The following AHCYL1 variants were observed in gnomAD, a reference collection of about 807,000 sequenced individuals.
The protein encoded by AHCYL1 is S-adenosylhomocysteine hydrolase-like protein 1.
AHCYL1 carries 20 observed loss-of-function variants against 79.3 expected under a neutral mutation model. The observed-to-expected ratio is 0.25, with a 90% CI of 0.18 to 0.37. AHCYL1 has a LOEUF of 0.37. Among genes scored for constraint, AHCYL1 ranks in the 10% least tolerant of loss-of-function variants. The probability of loss-of-function intolerance (pLI) is 1.00; values close to 1 mark genes in which losing one functional copy is unlikely to be tolerated. For synonymous variants in AHCYL1, 223 were observed against 242.2 expected (o/e 0.92, Z 0.74); for missense variants, 330 against 673.6 (o/e 0.49, Z 5.65).
At chr1:109,985,248 G>A in intron 1 of AHCYL1, 76 bp downstream of exon 1, 1 of 1,526,846 alleles carries the variant, frequency 6.5e-7, no homozygotes, top group Non-Finnish European at 8.8e-7. Flanking sequence ...CCGGGCTCTG[G>A]CTAGTTTGGG....
rs746463767 is a variant in AHCYL1, at chr1:110,013,017, C to T, written c.580+18C>T. The T allele has an allele frequency of 2.5e-6, 4 of 1,591,034 alleles. No homozygotes were observed. Among genetic ancestry groups the T allele is most frequent in the Admixed American group, 3.6e-5 (2 of 56,002 alleles). On this transcript the variant is annotated intron_variant, in intron 5 of 16. Coordinates refer to ENST00000369799, the MANE Select transcript of AHCYL1 (RefSeq NM_006621.7). ...TGAGGCTGGTAAGTTCGGTTTTTTC[C>T]CACCAACTTTGCCCCAAAATAGTTA...
At chr1:109,995,734 A>C (rs1649997035) in intron 1 of AHCYL1, 1 of 972,426 alleles carries the variant, frequency 1.0e-6, no homozygotes. Flanking sequence ...TTTTCGCAAT[A>C]ACTCATTACC....
At chr1:110,014,953 C>T in intron 6 of AHCYL1, 96 bp downstream of exon 6, 1 of 1,145,632 alleles carries the variant, frequency 8.7e-7, no homozygotes, top group Middle Eastern at 2.1e-4. Context: ...GATGTTTGGT[C>T]TTATGCACTG....
At chr1:110,014,910 T>TC (rs1651306556) in intron 6 of AHCYL1, 53 bp downstream of exon 6, 3 of 1,520,856 alleles carry the variant, frequency 2.0e-6, no homozygotes, top group African/African-American at 2.7e-5. Flanking sequence ...TTCCTTTTTT[T>TC]CCCTCAAAGC....
intron 1 of AHCYL1, among the ~76,000 whole-genome samples, chr1:109,999,409 T>C (rs1296080320): frequency 6.6e-6 from 1 of 152,230 alleles, no homozygotes; most frequent in African/African-American, 2.4e-5. Context: ...AACTCCAAAC[T>C]GTACCCTTTA....
intron 16 of AHCYL1, among the ~76,000 whole-genome samples, chr1:110,021,209 C>G (rs755629728): frequency 6.6e-6 from 1 of 152,126 alleles, no homozygotes; most frequent in Non-Finnish European, 1.5e-5. Context: ...CCACTGCACT[C>G]CAGCCTGGGT....
At chr1:109,988,698 C>T (rs1434487880) in intron 1 of AHCYL1, among the ~76,000 whole-genome samples, 1 of 152,244 alleles carries the variant, frequency 6.6e-6, no homozygotes, top group Non-Finnish European at 1.5e-5. Flanking sequence ...ATCCATTAAA[C>T]ATTTTGACCT....
chr1:109,992,252 CA>C (rs917077209), intron 1 of AHCYL1, among the ~76,000 whole-genome samples: 6 of 151,236 alleles, frequency 4.0e-5, no homozygotes, highest in Admixed American at 6.6e-5. Flanking sequence ...ACTAAAAACA[CA>C]AAAAAAATTA....
chr1:110,009,713 C>T (rs1650900804), intron 2 of AHCYL1, among the ~76,000 whole-genome samples: 1 of 152,184 alleles, frequency 6.6e-6, no homozygotes, highest in African/African-American at 2.4e-5. Context: ...TAGTTCTCTC[C>T]TCCTGTCTTA....
rs1310843507 is a variant in AHCYL1 at position 109,985,137 on chromosome 1, T to G, written c.85T>G (p.Ser29Ala). 1 of 1,610,680 alleles carries G rather than the reference T, an allele frequency of 6.2e-7. No homozygotes were observed. The highest frequency in any genetic ancestry group is 1.3e-5 in the African/African-American group (1 of 74,668). ...AKEIEDAEKYSFMATVTKAPK... is the reference protein window; with the variant it reads ...AKEIEDAEKYAFMATVTKAPK... ...GGAGATCGAGGACGCCGAGAAGTAC[T>G]CCTTCATGGCCACCGTCACCAAGGC... is the stretch of plus-strand genomic sequence containing the variant. Residue 29 changes from serine to alanine, a missense_variant, in exon 1 of 17, where the codon TCC becomes GCC. Transcript: ENST00000369799.
chr1:109,990,212 C>T (rs1179520682), intron 1 of AHCYL1, among the ~76,000 whole-genome samples: 2 of 152,164 alleles, frequency 1.3e-5, no homozygotes, highest in African/African-American at 4.8e-5. Context: ...TAGTCTCTAC[C>T]ATCTAATAGT....
At chr1:110,012,551 C>A (rs1039951123) in intron 4 of AHCYL1, 89 bp downstream of exon 4, 4 of 1,077,412 alleles carry the variant, frequency 3.7e-6, no homozygotes, top group Non-Finnish European at 5.1e-6. Context: ...CCTAACTCGC[C>A]AACCTCCAAA....
chr1:109,985,591 T>C, intron 1 of AHCYL1: 1 of 981,446 alleles, frequency 1.0e-6, no homozygotes, highest in Non-Finnish European at 1.2e-6. Flanking sequence ...TTGGGAGCAG[T>C]GGCCGCTTTA....
At chr1:109,993,947 T>TG (rs1343523478) in intron 1 of AHCYL1, among the ~76,000 whole-genome samples, 3 of 152,170 alleles carry the variant, frequency 2.0e-5, no homozygotes. Flanking sequence ...GGAAAGTACA[T>TG]TGGAACTCTG....
intron 3 of AHCYL1, among the ~76,000 whole-genome samples, chr1:110,011,941 A>G (rs1234282414): frequency 6.6e-6 from 1 of 152,252 alleles, no homozygotes; most frequent in African/African-American, 2.4e-5. Flanking sequence ...AAACAGACTG[A>G]CAGGACATGG....
intron 2 of AHCYL1, 62 bp from the exon 3 acceptor site, chr1:110,011,152 C>T: frequency 6.3e-6 from 10 of 1,592,960 alleles, no homozygotes; most frequent in Non-Finnish European, 8.5e-6. Context: ...GGGGACTGCA[C>T]TCTGTAGAGT....
At chr1:110,017,163 T>C (rs1651472198) in intron 9 of AHCYL1, among the ~76,000 whole-genome samples, 1 of 152,220 alleles carries the variant, frequency 6.6e-6, no homozygotes. Flanking sequence ...TACGAGGGTA[T>C]CCTTGAGTAG....
chr1:110,008,045 CAG>C (rs1333909024), intron 1 of AHCYL1, among the ~76,000 whole-genome samples: 52 of 108,040 alleles, frequency 4.8e-4, no homozygotes, highest in Admixed American at 1.3e-4. Flanking sequence ...TTTTTTGAGA[CAG>C]AGTCTCACTC....
At chr1:110,012,190 A>ATGAC (rs1278617193) in intron 3 of AHCYL1, among the ~76,000 whole-genome samples, 172 bp from the exon 4 acceptor site, 1 of 152,248 alleles carries the variant, frequency 6.6e-6, no homozygotes, top group Non-Finnish European at 1.5e-5. Flanking sequence ...AAGTGGTTGC[A>ATGAC]TGACTGCTCT....
Sources: allele counts gnomAD v4.1 joint callset (sites outside exome capture counted in the v4.1 genomes callset), GRCh38; gene constraint gnomAD v4.1.1; transcripts MANE v1.5; gene names NCBI Gene and HGNC (gene_info 2026-07-23, HGNC 2026-07-21).